MICU3: variants seen among roughly 807,000 people sequenced by gnomAD.
MICU3 encodes the protein calcium uptake protein 3, mitochondrial.
In MICU3, 62 loss-of-function variants were observed where a neutral mutation model predicts 66.5. The ratio of observed to expected loss-of-function variants is 0.93; its 90% CI spans 0.76 to 1.15. The LOEUF (loss-of-function observed/expected upper bound fraction) is 1.15, where lower values mean the gene tolerates loss of function less well. Ranked by LOEUF, MICU3 falls within the 50% of genes most tolerant of loss-of-function variation. MICU3 has a pLI of 0.00. For synonymous variants in MICU3, 308 were observed against 240.7 expected, an observed-to-expected ratio of 1.28 and a Z score of -2.59; for missense variants, 779 against 664.4, an observed-to-expected ratio of 1.17 and a Z score of -1.90.
rs535721354 is a variant in MICU3 at position 17,116,435 on chromosome 8, T to C, written c.1367-8T>C. The C allele has an allele frequency of 7.0e-7, 1 of 1,430,748 alleles. No individual in the cohort carries two copies. The highest frequency in any genetic ancestry group is 1.9e-4 in the Middle Eastern group (1 of 5,396). The allele number at this position is 1,430,748 out of a possible 1,614,324, so 88.6% of individuals were successfully genotyped here. A position where few individuals can be genotyped will look rare whatever the true frequency, so the allele number is the denominator to read the frequency against. Reference sequence around the variant, plus strand: ...AGTCTATTCTTTTTCTATGTAACATTTATCTAGATGAATTTAAACGTGCCG... The same window carrying C: ...AGTCTATTCTTTTTCTATGTAACATCTATCTAGATGAATTTAAACGTGCCG... On this transcript the variant is annotated splice_polypyrimidine_tract_variant and splice_region_variant and intron_variant, in intron 12 of 14. Transcript: ENST00000318063.
chr8:17,131,651 T>C, the MICU3 span: 18 of 152,190 alleles, frequency 1.2e-4, no homozygotes, highest in Admixed American at 5.3e-4. Flanking sequence ...CTTGAGAAAA[T>C]TGCAGCCTGC....
At chr8:17,094,645 T>A (rs192006944) in intron 8 of MICU3, among the ~76,000 whole-genome samples, 221 of 150,070 alleles carry the variant, frequency 1.5e-3, no homozygotes, top group African/African-American at 4.1e-3. Context: ...TGGTTCATTT[T>A]AAAAAAAAAA....
At chr8:17,043,266 C>G (rs2150535012) in intron 1 of MICU3, among the ~76,000 whole-genome samples, 1 of 152,218 alleles carries the variant, frequency 6.6e-6, no homozygotes, top group Admixed American at 6.5e-5. Flanking sequence ...ACTGGTTTCA[C>G]ATCAGATCAG....
chr8:17,042,580 CA>C (rs1322350109), intron 1 of MICU3, among the ~76,000 whole-genome samples: 16 of 152,258 alleles, frequency 1.1e-4, no homozygotes, highest in African/African-American at 3.9e-4. Flanking sequence ...TATGGAACTT[CA>C]GTGCTGAATT....
intron 9 of MICU3, among the ~76,000 whole-genome samples, chr8:17,100,886 T>C (rs1801201471): frequency 6.6e-6 from 1 of 151,898 alleles, no homozygotes; most frequent in African/African-American, 2.4e-5. Context: ...GTGTCAAAAT[T>C]ATAAACACTG....
chr8:17,036,044 G>A (rs1238448854), intron 1 of MICU3, among the ~76,000 whole-genome samples: 5 of 152,132 alleles, frequency 3.3e-5, no homozygotes, highest in Non-Finnish European at 5.9e-5. Context: ...GAATGAAGCC[G>A]CGGACCCTCG....
At chr8:17,135,100 C>T in the MICU3 span, among the ~76,000 whole-genome samples, 1 of 152,078 alleles carries the variant, frequency 6.6e-6, no homozygotes, top group African/African-American at 2.4e-5. Flanking sequence ...CCTATTGTTG[C>T]TTTTAAGAAT....
rs141114279 is a variant in MICU3 at position 17,058,146 on chromosome 8, C to G, written c.382-5938C>G. Among the ~76,000 whole-genome samples, 32 of 152,202 alleles carry G rather than the reference C, an allele frequency of 2.1e-4. 1 individual carries two copies. The highest frequency in any genetic ancestry group is 1.9e-3 in the Admixed American group (29 of 15,278). ...TTGACTTTTGACATATTACACTTAGCGACAAGTTTTTACTGCATTGGCAAT... is the reference window on the plus strand; with the variant it reads ...TTGACTTTTGACATATTACACTTAGGGACAAGTTTTTACTGCATTGGCAAT... On this transcript the variant is annotated intron_variant, in intron 1 of 14. Coordinates refer to ENST00000318063, the MANE Select transcript of MICU3 (RefSeq NM_181723.3).
chr8:17,039,013 C>T (rs1426838621), intron 1 of MICU3, among the ~76,000 whole-genome samples: 2 of 151,686 alleles, frequency 1.3e-5, no homozygotes, highest in Non-Finnish European at 2.9e-5. Flanking sequence ...ACACAGCCAC[C>T]TCAAATTTCA....
intron 6 of MICU3, among the ~76,000 whole-genome samples, chr8:17,085,534 TTTTTA>T (rs1799379958): frequency 6.6e-6 from 1 of 152,094 alleles, no homozygotes; most frequent in Non-Finnish European, 1.5e-5. Context: ...TTATCGTTGT[TTTTTA>T]CCTTACATAA....
chr8:17,066,938 C>G (rs543770800), intron 2 of MICU3, among the ~76,000 whole-genome samples: 9 of 152,112 alleles, frequency 5.9e-5, no homozygotes, highest in African/African-American at 2.2e-4. Flanking sequence ...TTCGATTTTG[C>G]TTTTTGGAAA....
intron 8 of MICU3, among the ~76,000 whole-genome samples, chr8:17,092,056 T>G (rs1800123422): frequency 6.6e-6 from 1 of 152,038 alleles, no homozygotes; most frequent in African/African-American, 2.4e-5. Context: ...TTTTGTATTT[T>G]TAGTAGAGAT....
intron 1 of MICU3, among the ~76,000 whole-genome samples, chr8:17,034,995 G>C (rs1383740096): frequency 6.6e-6 from 1 of 152,186 alleles, no homozygotes; most frequent in Non-Finnish European, 1.5e-5. Flanking sequence ...CCCAGTGGGA[G>C]GTGATTGAAT....
intron 1 of MICU3, among the ~76,000 whole-genome samples, chr8:17,027,895 A>G (rs1258359608): frequency 6.6e-6 from 1 of 152,192 alleles, no homozygotes; most frequent in East Asian, 1.9e-4. Flanking sequence ...GCAGCTACCA[A>G]GTATCAATCC....
At chr8:17,035,891 A>C (rs1324752609) in intron 1 of MICU3, among the ~76,000 whole-genome samples, 3 of 152,306 alleles carry the variant, frequency 2.0e-5, no homozygotes, top group Non-Finnish European at 4.4e-5. Context: ...AGTGGGAAGA[A>C]TGTCTCTAGG....
rs774152211 is a variant in MICU3 at position 17,098,601 on chromosome 8, A to T, written c.984+48A>T. The T allele has an allele frequency of 8.3e-6, 10 of 1,199,062 alleles. No individual in the cohort carries two copies. In the East Asian group the frequency reaches 2.3e-4, roughly 28 times the overall value. 74.3% of individuals were successfully genotyped at this position (1,199,062 alleles called of 1,614,324 possible). ...TCCTTGTACTATTTGCCATCTTGTT[A>T]ATCTAGTCGTCATTTCATTTTAGTC... On this transcript the variant is annotated intron_variant, in intron 9 of 14. Transcript: ENST00000318063.
At chr8:17,066,042 G>C (rs1563320332) in intron 2 of MICU3, among the ~76,000 whole-genome samples, 1 of 151,636 alleles carries the variant, frequency 6.6e-6, no homozygotes, top group Non-Finnish European at 1.5e-5. Flanking sequence ...GCCATATAGT[G>C]ATGGGAAAGG....
chr8:17,060,799 TA>T (rs1269176999), intron 1 of MICU3, among the ~76,000 whole-genome samples: 11 of 143,546 alleles, frequency 7.7e-5, no homozygotes, highest in Admixed American at 6.9e-4. Context: ...TTTTAGGATA[TA>T]ATTTTTTTTT....
rs376102739 is a variant in MICU3, at chr8:17,079,195, C to T, written c.646+1334C>T. On this transcript the variant is annotated intron_variant, in intron 4 of 14. Coordinates refer to ENST00000318063, the MANE Select transcript of MICU3 (RefSeq NM_181723.3). ...TAGAATCTATGCTGCACCACTATGA[C>T]GGAAATACTCTGTTTCTATGCTGTC... is the stretch of plus-strand genomic sequence containing the variant. 8.6e-4 allele frequency among the ~76,000 whole-genome samples: 127 copies of T among 147,828 alleles called. 2 individuals are homozygous for T. Among genetic ancestry groups the T allele is most frequent in the African/African-American group, 2.9e-3 (114 of 39,534 alleles).
Sources: gnomAD v4.1 joint callset for allele counts (sites outside exome capture counted in the v4.1 genomes callset) on GRCh38, gnomAD v4.1.1 for gene constraint, MANE v1.5 for transcripts, NCBI Gene and HGNC (gene_info 2026-07-23, HGNC 2026-07-21) for gene names.